AP2A2: variants seen among roughly 807,000 people sequenced by gnomAD.
The protein encoded by AP2A2 is AP-2 complex subunit alpha-2.
In AP2A2, 32 loss-of-function variants were observed where a neutral mutation model predicts 104.2. That is an observed-to-expected ratio of 0.31 (90% CI 0.23 to 0.41). The LOEUF (loss-of-function observed/expected upper bound fraction) is 0.41, where lower values mean the gene tolerates loss of function less well. Among genes scored for constraint, AP2A2 ranks in the 10% least tolerant of loss-of-function variants. The pLI, the probability that AP2A2 is intolerant of heterozygous loss-of-function variation, is 1.00. For missense variants in AP2A2, 912 were observed against 1,261.0 expected (o/e 0.72, Z 4.19); for synonymous variants, 539 against 533.3 (o/e 1.01, Z -0.15).
Position 992,547 on chromosome 11 carries a change from C to T in AP2A2, c.1314C>T (p.Tyr438=). Residue 438 remains tyrosine, a synonymous_variant, in exon 11 of 22, where the codon TAC becomes TAT. Coordinates refer to ENST00000448903, the MANE Select transcript of AP2A2 (RefSeq NM_012305.4). The surrounding 1 kb of genome is among the most constrained non-coding windows in gnomAD (Gnocchi z 6.4). ...AILAEKYAVD[Y]TWYVDTILNL... ...TGGCTGAGAAGTACGCGGTGGACTACACCTGGTATGTGGATACCATCTTGA... is the reference window on the plus strand; with the variant it reads ...TGGCTGAGAAGTACGCGGTGGACTATACCTGGTATGTGGATACCATCTTGA... 2.5e-6 allele frequency: 4 copies of T among 1,612,084 alleles called. No homozygotes were observed. The highest frequency in any genetic ancestry group is 3.4e-6 in the Non-Finnish European group (4 of 1,179,088).
chr11:947,728 C>G (rs1853898408), intron 1 of AP2A2, among the ~76,000 whole-genome samples: 1 of 152,038 alleles, frequency 6.6e-6, no homozygotes, highest in African/African-American at 2.4e-5. Flanking sequence ...TTTTGGGAGA[C>G]CAAGGTGGGA....
chr11:972,569 C>T (rs757419579), intron 4 of AP2A2, among the ~76,000 whole-genome samples: 9 of 152,174 alleles, frequency 5.9e-5, no homozygotes, highest in Non-Finnish European at 1.2e-4. Context: ...TGGTGGCGTG[C>T]TCCTGTCGTC....
intron 1 of AP2A2, among the ~76,000 whole-genome samples, chr11:945,458 C>A (rs774985624): frequency 1.3e-5 from 2 of 152,254 alleles, no homozygotes; most frequent in South Asian, 4.1e-4. Flanking sequence ...CTCAGCCTCT[C>A]GAGTAGCTGG....
intron 2 of AP2A2, among the ~76,000 whole-genome samples, chr11:959,861 A>G (rs896611013): frequency 6.6e-6 from 1 of 152,126 alleles, no homozygotes; most frequent in Non-Finnish European, 1.5e-5. Context: ...GACGGTCAAC[A>G]GGGACCTGAC....
At chr11:996,636 C>T (rs1219180444) in intron 14 of AP2A2, among the ~76,000 whole-genome samples, 1 of 152,082 alleles carries the variant, frequency 6.6e-6, no homozygotes, top group Non-Finnish European at 1.5e-5. Flanking sequence ...GGAGTGAGAG[C>T]AGTGTGCTGC....
At chr11:966,839 C>T (rs1375480161) in intron 2 of AP2A2, among the ~76,000 whole-genome samples, 1 of 152,136 alleles carries the variant, frequency 6.6e-6, no homozygotes, top group Non-Finnish European at 1.5e-5. Flanking sequence ...CTGACTCACT[C>T]TCCAGTTTAT....
At chr11:983,976 G>A (rs968576370) in intron 6 of AP2A2, among the ~76,000 whole-genome samples, 1 of 152,204 alleles carries the variant, frequency 6.6e-6, no homozygotes, top group Admixed American at 6.5e-5. Context: ...TTTAGGGTAG[G>A]AGTCAGGGTG....
chr11:940,585 G>T, intron 1 of AP2A2: 3 of 267,152 alleles, frequency 1.1e-5, no homozygotes, highest in Non-Finnish European at 1.5e-5. Flanking sequence ...CCCTTTTTTG[G>T]TGGCATCTGT....
intron 16 of AP2A2, among the ~76,000 whole-genome samples, chr11:1,004,643 G>T (rs576463084): frequency 5.8e-4 from 88 of 151,826 alleles, no homozygotes; most frequent in Non-Finnish European, 7.9e-4. Context: ...AGACGTGCTG[G>T]TGCACACCTG....
chr11:1,005,076 A>T (rs1055544060), intron 16 of AP2A2, among the ~76,000 whole-genome samples: 5 of 152,244 alleles, frequency 3.3e-5, no homozygotes, highest in Admixed American at 3.3e-4. Flanking sequence ...CGAAAGTTAG[A>T]AACAGCCCAG....
At chr11:972,877 C>G (rs1039527516) in intron 4 of AP2A2, among the ~76,000 whole-genome samples, 1 of 152,278 alleles carries the variant, frequency 6.6e-6, no homozygotes. Context: ...TCCTCGTGCC[C>G]GTTCCCCAGG....
At position 970,158 on chromosome 11, in the gene AP2A2, C is replaced by A; in HGVS notation, c.137-11C>A. On this transcript the variant is annotated splice_polypyrimidine_tract_variant and intron_variant, in intron 2 of 21. Coordinates refer to ENST00000448903, the MANE Select transcript of AP2A2 (RefSeq NM_012305.4). ...GCCTGGAATAAAACCTCTTCCCCAC[C>A]TTTTCTGTAGGTGACAAGGCTCTTG... 6.2e-7 allele frequency: 1 copy of A among 1,613,610 alleles called. No individual in the cohort carries two copies. The highest frequency in any genetic ancestry group is 8.5e-7 in the Non-Finnish European group (1 of 1,179,658).
At chr11:977,028 G>T (rs1204435369) in intron 4 of AP2A2, 67 bp from the exon 5 acceptor site, 15 of 1,599,542 alleles carry the variant, frequency 9.4e-6, no homozygotes, top group East Asian at 2.2e-5. Context: ...GGCTCTGGGG[G>T]GGTGCTCCGT....
rs78383955 is a variant in AP2A2, at chr11:998,282, G to T, written c.1957-2150G>T. 6.0e-5 allele frequency among the ~76,000 whole-genome samples: 9 copies of T among 150,786 alleles called. No homozygotes were observed. In the East Asian group the frequency reaches 1.8e-3, roughly 30 times the overall value. ...TCACAAGAGCAGAGCCTGGGAGCCT[G>T]CCCCGTTTCTGACTGCCCCCCAATC... On this transcript the variant is annotated intron_variant, in intron 14 of 21. Coordinates refer to ENST00000448903, the MANE Select transcript of AP2A2 (RefSeq NM_012305.4).
chr11:991,990 C>A (rs868637655), intron 10 of AP2A2, among the ~76,000 whole-genome samples: 3 of 151,956 alleles, frequency 2.0e-5, no homozygotes. Context: ...GGGGGGCACC[C>A]GTGAGAGTGA....
Position 994,168 on chromosome 11 carries a change from C to T in AP2A2, c.1879C>T (p.Leu627=), listed in dbSNP as rs373049886. Residue 627 remains leucine, a synonymous_variant, in exon 14 of 22, where the codon CTG becomes TTG. Coordinates refer to ENST00000448903, the MANE Select transcript of AP2A2 (RefSeq NM_012305.4). ...GAAGGGCCCCAGCACGGTGACAGAC[C>T]TGGAGGACACCAAGCGGGACAGGAG... ...KKKGPSTVTD[L]EDTKRDRSVD... The T allele has an allele frequency of 1.3e-5, 21 of 1,613,104 alleles. No homozygotes were observed. In the South Asian group the frequency reaches 1.8e-4, roughly 13 times the overall value.
In AP2A2 at chr11:1,011,656, C is replaced by T. The variant is rs1002735261; in HGVS notation, c.*1031C>T. On this transcript the variant is annotated 3_prime_UTR_variant, in exon 22 of 22. Coordinates refer to ENST00000448903, the MANE Select transcript of AP2A2 (RefSeq NM_012305.4). ...CCTAGGAGCCAAGGCTGGGGCCTTG[C>T]GCTCTGTCCCCAGGATGGTGGCCTT... 10 of 364,084 alleles carry T rather than the reference C, an allele frequency of 2.7e-5. No individual in the cohort carries two copies. Among genetic ancestry groups the T allele is most frequent in the South Asian group, 1.2e-4 (6 of 49,772 alleles). The allele number at this position is 364,084 out of a possible 1,614,324, so 22.6% of individuals were successfully genotyped here. A position where few individuals can be genotyped will look rare whatever the true frequency, so the allele number is the denominator to read the frequency against.
chr11:1,005,994 G>A (rs1435542316), intron 16 of AP2A2, among the ~76,000 whole-genome samples: 2 of 152,344 alleles, frequency 1.3e-5, no homozygotes, highest in African/African-American at 2.4e-5. Flanking sequence ...CACCTGTGCC[G>A]TGGCTGAGCC....
intron 1 of AP2A2, among the ~76,000 whole-genome samples, chr11:951,827 C>T (rs1034801122): frequency 6.6e-6 from 1 of 152,144 alleles, no homozygotes; most frequent in Non-Finnish European, 1.5e-5. Flanking sequence ...TTCAAAAATT[C>T]TTGGGCTTGG....
Sources: allele counts gnomAD v4.1 joint callset (sites outside exome capture counted in the v4.1 genomes callset), GRCh38; gene constraint gnomAD v4.1.1; non-coding constraint Gnocchi (gnomAD v3.1); transcripts MANE v1.5; gene names NCBI Gene and HGNC (gene_info 2026-07-23, HGNC 2026-07-21).